Variants in MFHAS1 observed in about 807,000 individuals in gnomAD.
MFHAS1 encodes the protein malignant fibrous histiocytoma-amplified sequence 1.
MFHAS1 carries 50 observed loss-of-function variants against 70.4 expected under a neutral mutation model. The ratio of observed to expected loss-of-function variants is 0.71; its 90% CI spans 0.57 to 0.90. MFHAS1 has a LOEUF of 0.90. Among genes scored for constraint, MFHAS1 ranks in the 40% least tolerant of loss-of-function variants. The pLI, the probability that MFHAS1 is intolerant of heterozygous loss-of-function variation, is 0.00. For missense variants in MFHAS1, 1,795 were observed against 1,347.6 expected (o/e 1.33, Z -5.20); for synonymous variants, 952 against 620.0 (o/e 1.54, Z -7.96).
intron 1 of MFHAS1, among the ~76,000 whole-genome samples, chr8:8,809,885 G>C (rs1199062567): frequency 1.3e-5 from 2 of 152,230 alleles, no homozygotes; most frequent in Non-Finnish European, 2.9e-5. Flanking sequence ...TCCAGACTCA[G>C]AGAGGTTACT....
At chr8:8,805,826 T>C (rs573154082) in intron 1 of MFHAS1, among the ~76,000 whole-genome samples, 36 of 152,256 alleles carry the variant, frequency 2.4e-4, no homozygotes, top group African/African-American at 8.2e-4. Context: ...GACTCCCAAA[T>C]AGCTGGGATT....
chr8:8,855,573 C>T (rs955250116), intron 1 of MFHAS1, among the ~76,000 whole-genome samples: 2 of 152,216 alleles, frequency 1.3e-5, no homozygotes, highest in African/African-American at 2.4e-5. Flanking sequence ...ACAGTGTTTT[C>T]AGCCAGGCAC....
intron 2 of MFHAS1, among the ~76,000 whole-genome samples, chr8:8,790,790 A>G (rs1255818047): frequency 3.3e-5 from 5 of 152,140 alleles, no homozygotes. Flanking sequence ...TGGCCTGTTT[A>G]TTTGGTGATA....
chr8:8,866,859 T>C (rs1808877986), intron 1 of MFHAS1, among the ~76,000 whole-genome samples: 1 of 152,248 alleles, frequency 6.6e-6, no homozygotes, highest in Admixed American at 6.5e-5. Context: ...AAAATCGTGA[T>C]ATGAATTCAT....
chr8:8,848,158 C>T (rs779292286), intron 1 of MFHAS1, among the ~76,000 whole-genome samples: 1 of 152,200 alleles, frequency 6.6e-6, no homozygotes, highest in South Asian at 2.1e-4. Context: ...CTTCTCTGTC[C>T]CTTTTAGCCG....
chr8:8,821,103 A>T (rs1264396792), intron 1 of MFHAS1, among the ~76,000 whole-genome samples: 1 of 152,114 alleles, frequency 6.6e-6, no homozygotes, highest in Non-Finnish European at 1.5e-5. Flanking sequence ...GCCTGTTCCC[A>T]GGGGTCTGCA....
At chr8:8,864,318 C>T (rs778842587) in intron 1 of MFHAS1, among the ~76,000 whole-genome samples, 18 of 152,328 alleles carry the variant, frequency 1.2e-4, no homozygotes, top group Non-Finnish European at 2.4e-4. Context: ...CCATGAGGGC[C>T]GCCCACTGCA....
chr8:8,811,963 CGCAT>C (rs1806564792), intron 1 of MFHAS1, among the ~76,000 whole-genome samples: 1 of 152,122 alleles, frequency 6.6e-6, no homozygotes, highest in Admixed American at 6.5e-5. Flanking sequence ...CTACCTTCTC[CGCAT>C]GCCATCCAAG....
At chr8:8,847,980 T>A (rs917585365) in intron 1 of MFHAS1, among the ~76,000 whole-genome samples, 2 of 152,152 alleles carry the variant, frequency 1.3e-5, no homozygotes, top group African/African-American at 4.8e-5. Flanking sequence ...AAAAACACTA[T>A]CCAAACATCC....
chr8:8,874,249 G>A (rs989533403), intron 1 of MFHAS1, among the ~76,000 whole-genome samples: 2 of 151,696 alleles, frequency 1.3e-5, no homozygotes, highest in South Asian at 4.2e-4. Context: ...AAGGATCAAA[G>A]GTCTGCCGGT....
In MFHAS1 at chr8:8,891,748, G is replaced by C. The variant is rs751374450; in HGVS notation, c.1311C>G (p.Cys437Trp). Residue 437 changes from cysteine to tryptophan, a missense_variant, in exon 1 of 3, where the codon TGC (cysteine) becomes TGG (tryptophan). Transcript: ENST00000276282. This position sits in a 1 kb window ranked among gnomAD's most constrained non-coding sequence, Gnocchi z 5.4. ...HCLTEERVEG[C>W]PGGGDKEKCY... The stretch of plus-strand genomic sequence containing the variant: ...ACTTCTCCTTGTCCCCTCCTCCTGG[G>C]CATCCCTCCACTCTCTCCTCGGTGA... 6.2e-7 allele frequency: 1 copy of C among 1,613,342 alleles called. No individual in the cohort carries two copies. The highest frequency in any genetic ancestry group is 2.2e-5 in the East Asian group (1 of 44,868).
At chr8:8,791,245 G>A (rs935375001) in intron 2 of MFHAS1, among the ~76,000 whole-genome samples, 16 of 151,386 alleles carry the variant, frequency 1.1e-4, no homozygotes, top group South Asian at 4.2e-4. Flanking sequence ...AGACAGATAC[G>A]GTATCGCTGC....
At chr8:8,871,102 C>G (rs548826186) in intron 1 of MFHAS1, among the ~76,000 whole-genome samples, 2 of 152,260 alleles carry the variant, frequency 1.3e-5, no homozygotes, top group East Asian at 3.9e-4. Context: ...AGGGTGACAG[C>G]AAAGACCATA....
At chr8:8,885,772 C>T (rs1477134175) in intron 1 of MFHAS1, among the ~76,000 whole-genome samples, 1 of 152,238 alleles carries the variant, frequency 6.6e-6, no homozygotes, top group Non-Finnish European at 1.5e-5. Context: ...CGCAGTGGCA[C>T]AATCTCAGCT....
rs1199754595 is a variant in MFHAS1 at position 8,890,387 on chromosome 8, G to C, written c.2672C>G (p.Pro891Arg). 1 of 1,614,120 alleles carries C rather than the reference G, an allele frequency of 6.2e-7. No homozygotes were observed. Among genetic ancestry groups the C allele is most frequent in the South Asian group, 1.1e-5 (1 of 91,082 alleles). The change falls in exon 1 of 3, where the codon CCA becomes CGA. Residue 891 changes from proline (P) to arginine (R), a missense_variant. By Grantham distance (103) the Pro-to-Arg change is moderately radical. Transcript: ENST00000276282. ...ACTGTAGCGTGCAAACAACCCAAGT[G>C]GAAAAGTAAAAGGAAAGCTATATTC... ...QIEYSFPFTF[P>R]LGLFARYSVQ...
intron 1 of MFHAS1, among the ~76,000 whole-genome samples, chr8:8,802,282 G>A (rs1175131015): frequency 6.6e-6 from 1 of 152,164 alleles, no homozygotes; most frequent in Non-Finnish European, 1.5e-5. Context: ...CAGTAGGACT[G>A]ACTAAACTCA....
chr8:8,803,800 C>CG (rs1351496202), intron 1 of MFHAS1, among the ~76,000 whole-genome samples: 1 of 151,848 alleles, frequency 6.6e-6, no homozygotes, highest in Non-Finnish European at 1.5e-5. Flanking sequence ...GGTGGAACCT[C>CG]GGCTCTACTA....
At chr8:8,800,034 C>G (rs1349299046) in intron 1 of MFHAS1, among the ~76,000 whole-genome samples, 1 of 152,186 alleles carries the variant, frequency 6.6e-6, no homozygotes, top group Non-Finnish European at 1.5e-5. Flanking sequence ...ACTCTTTGCC[C>G]CCAGGCTAAT....
chr8:8,867,681 C>T (rs1212114434), intron 1 of MFHAS1, among the ~76,000 whole-genome samples: 1 of 151,932 alleles, frequency 6.6e-6, no homozygotes, highest in Non-Finnish European at 1.5e-5. Context: ...CCTCAGCCTC[C>T]CAAGTAGCTG....
Sources: allele counts gnomAD v4.1 joint callset (sites outside exome capture counted in the v4.1 genomes callset), GRCh38; gene constraint gnomAD v4.1.1; non-coding constraint Gnocchi (gnomAD v3.1); transcripts MANE v1.5; gene names NCBI Gene and HGNC (gene_info 2026-07-23, HGNC 2026-07-21).